Variants in NCAPG2 observed in about 807,000 individuals in gnomAD.
NCAPG2 encodes condensin-2 complex subunit G2.
In NCAPG2, 53 loss-of-function variants were observed where a neutral mutation model predicts 141.1. The ratio of observed to expected loss-of-function variants is 0.38; its 90% CI spans 0.30 to 0.47. NCAPG2 has a LOEUF of 0.47. Ranked by LOEUF, NCAPG2 falls within the 20% of genes least tolerant of loss-of-function variation. The pLI is 0.99. For missense variants in NCAPG2, 1,087 were observed against 1,389.0 expected (o/e 0.78, Z 3.46); for synonymous variants, 499 against 490.7 (o/e 1.02, Z -0.22).
At chr7:158,694,663 G>A (rs1437179064) in intron 2 of NCAPG2, among the ~76,000 whole-genome samples, 1 of 152,032 alleles carries the variant, frequency 6.6e-6, no homozygotes, top group East Asian at 1.9e-4. Context: ...AAACTGTCGG[G>A]GTCATAAAAA....
In NCAPG2 at chr7:158,646,562, A is replaced by G; in HGVS notation, c.3077T>C (p.Val1026Ala). 6.4e-7 allele frequency: 1 copy of G among 1,569,788 alleles called. No homozygotes were observed. Among genetic ancestry groups the G allele is most frequent in the Non-Finnish European group, 8.6e-7 (1 of 1,165,942 alleles). ...VVEISHQLRK[V>A]SDVEELTPPE... ...AGGGGTAAGCTCTTCTACGTCAGAA[A>G]CCTAAAAAAGTTCCAAATCAGCAAG... The change falls in exon 25 of 28, where the codon GTT (valine) becomes GCT (alanine). Residue 1026 changes from valine to alanine, a missense_variant and splice_region_variant. Val to Ala is a moderately conservative substitution (Grantham distance 64). Coordinates refer to ENST00000356309, the MANE Select transcript of NCAPG2 (RefSeq NM_017760.7).
intron 6 of NCAPG2, among the ~76,000 whole-genome samples, chr7:158,689,047 T>C (rs755085811): frequency 5.9e-5 from 9 of 152,156 alleles, no homozygotes; most frequent in East Asian, 1.9e-4. Context: ...TGCCTGAGCA[T>C]GTAGTCGACG....
chr7:158,637,817 C>A (rs1830388865), intron 27 of NCAPG2, among the ~76,000 whole-genome samples: 1 of 152,150 alleles, frequency 6.6e-6, no homozygotes, highest in African/African-American at 2.4e-5. Flanking sequence ...CTCTCACTAG[C>A]CAATAACCCA....
At position 158,683,291 on chromosome 7, in the gene NCAPG2, C is replaced by A; in HGVS notation, c.924+9G>T. 1 of 1,554,326 alleles carries A rather than the reference C, an allele frequency of 6.4e-7. No homozygotes were observed. The highest frequency in any genetic ancestry group is 1.2e-5 in the South Asian group (1 of 83,574). ...CATTATTTCAAAAACAATCTGTTCA[C>A]AATCTTACCTCCCGCACTTTGGAAT... On this transcript the variant is annotated intron_variant, in intron 9 of 27. Coordinates refer to ENST00000356309, the MANE Select transcript of NCAPG2 (RefSeq NM_017760.7).
Position 158,633,065 on chromosome 7 carries a change from T to C in NCAPG2, c.3381-1348A>G, listed in dbSNP as rs1221441220. ...CTTATCCATAATTATTTAGCTGTGA[T>C]TTTTTTTTTCCATCAATCCAGAATG... is the stretch of plus-strand genomic sequence containing the variant. On this transcript the variant is annotated intron_variant, in intron 27 of 27. Transcript: ENST00000356309. This position sits in a 1 kb window ranked among gnomAD's most constrained non-coding sequence, Gnocchi z 4.1. Among the ~76,000 whole-genome samples the C allele has an allele frequency of 6.6e-6, 1 of 150,702 alleles. No individual in the cohort carries two copies.
rs768785422 is a variant in NCAPG2, at chr7:158,631,266, G to C, written c.*400C>G. 2.0e-5 allele frequency: 4 copies of C among 202,028 alleles called. No homozygotes were observed. The highest frequency in any genetic ancestry group is 7.2e-5 in the African/African-American group (3 of 41,796). 12.5% of individuals were successfully genotyped at this position (202,028 alleles called of 1,614,324 possible). ...CTCCCAAAGTGCTGGGATTACAGGC[G>C]TGTGCCACTGCGCCGGGCCCCTAAT... is the stretch of plus-strand genomic sequence containing the variant. On this transcript the variant is annotated 3_prime_UTR_variant, in exon 28 of 28. Transcript: ENST00000356309.
chr7:158,648,879 T>TGGCAAATGGACTAC (rs1563505108), intron 24 of NCAPG2, among the ~76,000 whole-genome samples: 4 of 24,230 alleles, frequency 1.7e-4, no homozygotes, highest in Middle Eastern at 0.029. Context: ...AAATGGACTA[T>TGGCAAATGGACTAC]AACCACGGCA....
intron 27 of NCAPG2, among the ~76,000 whole-genome samples, chr7:158,636,804 G>T (rs902076965): frequency 6.6e-6 from 1 of 152,148 alleles, no homozygotes; most frequent in Non-Finnish European, 1.5e-5. Context: ...TGGTCATCTT[G>T]TTTAATATTT....
rs781743300 is a variant in NCAPG2, at chr7:158,662,322, C to G, written c.1861G>C (p.Gly621Arg). 3 of 1,605,260 alleles carry G rather than the reference C, an allele frequency of 1.9e-6. No individual in the cohort carries two copies. Among genetic ancestry groups the G allele is most frequent in the South Asian group, 2.3e-5 (2 of 88,116 alleles). Reference protein sequence around the residue: ...LSVNDVACMAGLLEIIVILWK... With the variant: ...LSVNDVACMARLLEIIVILWK... ...AGAATCACAATGATTTCTAGTAAACCTGCCATGCATGCAACATCGTTTACT... is the reference window on the plus strand; with the variant it reads ...AGAATCACAATGATTTCTAGTAAACGTGCCATGCATGCAACATCGTTTACT... Residue 621 changes from glycine (G) to arginine (R), a missense_variant, in exon 16 of 28, where the codon GGT becomes CGT. Transcript: ENST00000356309.
chr7:158,688,647 C>A (rs1834931596), intron 6 of NCAPG2, among the ~76,000 whole-genome samples: 1 of 152,200 alleles, frequency 6.6e-6, no homozygotes, highest in Non-Finnish European at 1.5e-5. Flanking sequence ...TACATATTAC[C>A]TCATCTGTTC....
intron 4 of NCAPG2, among the ~76,000 whole-genome samples, chr7:158,691,588 G>A (rs977860962): frequency 1.4e-4 from 22 of 152,104 alleles, no homozygotes; most frequent in African/African-American, 4.8e-4. Flanking sequence ...AAGGATGAGG[G>A]TATGTGAAAA....
intron 27 of NCAPG2, chr7:158,640,550 AATT>A (rs1681203585): frequency 6.6e-6 from 1 of 152,196 alleles, no homozygotes; most frequent in Non-Finnish European, 1.5e-5. Flanking sequence ...AATAATAATA[AATT>A]AAATAAAGTA....
At chr7:158,676,601 C>T (rs1834067143) in intron 11 of NCAPG2, among the ~76,000 whole-genome samples, 1 of 152,074 alleles carries the variant, frequency 6.6e-6, no homozygotes, top group East Asian at 1.9e-4. Context: ...GATATGATGT[C>T]CCAAATATGT....
intron 10 of NCAPG2, 127 bp from the exon 11 acceptor site, chr7:158,680,212 A>G (rs1030359161): frequency 8.9e-7 from 1 of 1,129,404 alleles, no homozygotes; most frequent in East Asian, 2.4e-5. Context: ...ACAGACAATT[A>G]TAACGTTTAA....
Position 158,652,298 on chromosome 7 carries a change from G to A in NCAPG2, c.2929C>T (p.Leu977=). ...TCCTGGGGAGTTCTGAGTACCCGCAGGCCTTCTTCCGGCTGCTTCCTGAAG... is the reference window on the plus strand; with the variant it reads ...TCCTGGGGAGTTCTGAGTACCCGCAAGCCTTCTTCCGGCTGCTTCCTGAAG... The part of the protein sequence containing the change: ...RSFRKQPEEG[L]RLLYSVQRPL... Residue 977 remains leucine (L), a synonymous_variant, in exon 23 of 28, where the codon CTG becomes TTG. Coordinates refer to ENST00000356309, the MANE Select transcript of NCAPG2 (RefSeq NM_017760.7). 6.2e-7 allele frequency: 1 copy of A among 1,613,398 alleles called. No individual in the cohort carries two copies.
At chr7:158,682,346 G>C (rs1377500) in intron 9 of NCAPG2, among the ~76,000 whole-genome samples, 1 of 149,994 alleles carries the variant, frequency 6.7e-6, no homozygotes, top group Non-Finnish European at 1.5e-5. Flanking sequence ...GGATGGGGGT[G>C]GGGGGTGGGT....
intron 8 of NCAPG2, among the ~76,000 whole-genome samples, chr7:158,684,393 T>C (rs528143522): frequency 1.3e-5 from 2 of 152,352 alleles, no homozygotes; most frequent in East Asian, 3.9e-4. Flanking sequence ...TTTAATGGTA[T>C]AACAAGCAAA....
At chr7:158,667,009 GC>G in intron 13 of NCAPG2, 1 of 480,438 alleles carries the variant, frequency 2.1e-6, no homozygotes, top group Non-Finnish European at 2.7e-6. Context: ...GGTTGTTCCT[GC>G]CCATAGACAA....
chr7:158,662,095 C>T, intron 16 of NCAPG2, 99 bp downstream of exon 16: 1 of 1,165,928 alleles, frequency 8.6e-7, no homozygotes, highest in Non-Finnish European at 1.2e-6. Flanking sequence ...CAGATGAGAA[C>T]ACAGATCCAG....
Sources: gnomAD v4.1 joint callset for allele counts (sites outside exome capture counted in the v4.1 genomes callset) on GRCh38, gnomAD v4.1.1 for gene constraint, Gnocchi (gnomAD v3.1) non-coding constraint, MANE v1.5 for transcripts, NCBI Gene and HGNC (gene_info 2026-07-23, HGNC 2026-07-21) for gene names.